The following NKAIN1 variants were observed in gnomAD, a reference collection of about 807,000 sequenced individuals.
NKAIN1 encodes the protein sodium/potassium transporting ATPase interacting 1.
A neutral mutation model predicts 31.6 loss-of-function variants in NKAIN1; 13 were observed. The observed-to-expected ratio is 0.41, with a 90% CI of 0.27 to 0.65. The LOEUF (loss-of-function observed/expected upper bound fraction) is 0.65, where lower values mean the gene tolerates loss of function less well. Among genes scored for constraint, NKAIN1 ranks in the 30% least tolerant of loss-of-function variants. The pLI, the probability that NKAIN1 is intolerant of heterozygous loss-of-function variation, is 0.30. For synonymous variants in NKAIN1, 104 were observed against 109.0 expected, an observed-to-expected ratio of 0.95 and a Z score of 0.28; for missense variants, 193 against 262.2, an observed-to-expected ratio of 0.74 and a Z score of 1.82.
intron 1 of NKAIN1, among the ~76,000 whole-genome samples, chr1:31,197,247 G>A (rs113220732): frequency 0.012 from 1,875 of 151,700 alleles, 16 homozygotes; most frequent in African/African-American, 0.02. Flanking sequence ...GAGTAGCTGG[G>A]ACTACAGGCA....
chr1:31,222,604 A>C (rs527463411), intron 1 of NKAIN1, among the ~76,000 whole-genome samples: 29 of 152,282 alleles, frequency 1.9e-4, no homozygotes, highest in Admixed American at 3.3e-4. Flanking sequence ...GACTCAATGC[A>C]TCCTCTTCAA....
Position 31,181,389 on chromosome 1 carries a change from G to A in NKAIN1, c.*314C>T. The A allele has an allele frequency of 3.0e-6, 1 of 328,740 alleles. No homozygotes were observed. The highest frequency in any genetic ancestry group is 2.1e-5 in the African/African-American group (1 of 46,892). The allele number at this position is 328,740 out of a possible 1,614,324, so 20.4% of individuals were successfully genotyped here. A position where few individuals can be genotyped will look rare whatever the true frequency, so the allele number is the denominator to read the frequency against. ...GGGTGAAGAGTGAAAGGGAGAGGCT[G>A]GAGAAGAGAGGAAGGCCCCAGCTCA... is the stretch of plus-strand genomic sequence containing the variant. On this transcript the variant is annotated 3_prime_UTR_variant, in exon 7 of 7. Coordinates refer to ENST00000373736, the MANE Select transcript of NKAIN1 (RefSeq NM_024522.3).
At chr1:31,215,471 C>T (rs942717229) in intron 1 of NKAIN1, among the ~76,000 whole-genome samples, 4 of 152,198 alleles carry the variant, frequency 2.6e-5, no homozygotes, top group African/African-American at 7.2e-5. Flanking sequence ...CCCATCAGAC[C>T]GCCCGGGACA....
chr1:31,227,714 C>A (rs1185201945), intron 1 of NKAIN1, among the ~76,000 whole-genome samples: 2 of 152,120 alleles, frequency 1.3e-5, no homozygotes, highest in Non-Finnish European at 1.5e-5. Context: ...GTAGGCAGGA[C>A]CCCCTGTCCA....
At chr1:31,234,016 A>G (rs1201131572) in intron 1 of NKAIN1, among the ~76,000 whole-genome samples, 1 of 151,882 alleles carries the variant, frequency 6.6e-6, no homozygotes, top group Admixed American at 6.6e-5. Context: ...CCACTCACCT[A>G]CCCTTATAAA....
At chr1:31,201,507 C>T (rs10914315) in intron 1 of NKAIN1, among the ~76,000 whole-genome samples, 6,591 of 146,764 alleles carry the variant, frequency 0.045, 416 homozygotes, top group African/African-American at 0.14. Flanking sequence ...TACAGGTGCC[C>T]GCCACCATGC....
intron 1 of NKAIN1, among the ~76,000 whole-genome samples, chr1:31,195,124 C>CTTTTTTTTTTT (rs112786243): frequency 1.6e-5 from 2 of 125,442 alleles, no homozygotes; most frequent in East Asian, 2.5e-4. Flanking sequence ...TTCCTTCCTC[C>CTTTTTTTTTTT]TTTTTTTTTT....
chr1:31,192,807 G>A (rs1391827768), intron 1 of NKAIN1, among the ~76,000 whole-genome samples: 1 of 151,572 alleles, frequency 6.6e-6, no homozygotes, highest in Non-Finnish European at 1.5e-5. Context: ...ACCCACCTTG[G>A]CCTCCCAAAG....
At chr1:31,224,160 G>A (rs967621053) in intron 1 of NKAIN1, among the ~76,000 whole-genome samples, 2 of 152,202 alleles carry the variant, frequency 1.3e-5, no homozygotes, top group Non-Finnish European at 2.9e-5. Context: ...CAGCTGCAGA[G>A]GTTGGGGACA....
In NKAIN1 at chr1:31,200,011, ATG is replaced by A. The variant is rs1396173748; in HGVS notation, c.55-11826_55-11825del. On this transcript the variant is annotated intron_variant, in intron 1 of 6. Coordinates refer to ENST00000373736, the MANE Select transcript of NKAIN1 (RefSeq NM_024522.3). The stretch of plus-strand genomic sequence containing the variant: ...CCCGAACACACACACACGCACACAC[ATG>A]CACACACACACGCACACACACACAC... Among the ~76,000 whole-genome samples the A allele has an allele frequency of 9.4e-5, 10 of 106,472 alleles. 1 individual carries two copies. The South Asian group carries it at 9.6e-4, about 10-fold the overall frequency. 69.8% of individuals were successfully genotyped at this position (106,472 alleles called of 152,430 possible). A position where few individuals can be genotyped will look rare whatever the true frequency, so the allele number is the denominator to read the frequency against.
At chr1:31,231,815 C>T (rs1645651972) in intron 1 of NKAIN1, among the ~76,000 whole-genome samples, 1 of 152,230 alleles carries the variant, frequency 6.6e-6, no homozygotes, top group Non-Finnish European at 1.5e-5. Context: ...CAAGCGTGAG[C>T]CACTGCACCT....
intron 1 of NKAIN1, among the ~76,000 whole-genome samples, chr1:31,218,017 TTTCTTTC>T (rs1474694611): frequency 1.5e-4 from 2 of 13,204 alleles, no homozygotes; most frequent in African/African-American, 6.2e-4. Flanking sequence ...CAGCTACCAT[TTTCTTTC>T]TTTCTTTCTT....
intron 1 of NKAIN1, among the ~76,000 whole-genome samples, chr1:31,200,408 T>G (rs1328493762): frequency 6.6e-6 from 1 of 151,882 alleles, no homozygotes; most frequent in Non-Finnish European, 1.5e-5. Flanking sequence ...TATGCACTTC[T>G]ATAGTTCCGG....
intron 1 of NKAIN1, among the ~76,000 whole-genome samples, chr1:31,189,475 C>T (rs745751001): frequency 3.9e-5 from 6 of 152,300 alleles, no homozygotes; most frequent in East Asian, 1.9e-4. Flanking sequence ...TGCCACCATA[C>T]GCAGCTAATT....
At chr1:31,236,521 G>T (rs971883126) in intron 1 of NKAIN1, among the ~76,000 whole-genome samples, 7 of 152,104 alleles carry the variant, frequency 4.6e-5, no homozygotes, top group African/African-American at 1.4e-4. Context: ...ACATCCCGGG[G>T]CACATTATGG....
Position 31,230,258 on chromosome 1 carries a change from C to A in NKAIN1, c.54+9236G>T, listed in dbSNP as rs550743554. On this transcript the variant is annotated intron_variant, in intron 1 of 6. Coordinates refer to ENST00000373736, the MANE Select transcript of NKAIN1 (RefSeq NM_024522.3). ...GTTTTATTTCAAAGGAGCCTCCCAA[C>A]AACTCTCTGAAGTAGATGATCATTA... 2.0e-5 allele frequency among the ~76,000 whole-genome samples: 3 copies of A among 152,276 alleles called. No homozygotes were observed. In the East Asian group the frequency reaches 5.8e-4, roughly 29 times the overall value.
intron 1 of NKAIN1, among the ~76,000 whole-genome samples, chr1:31,209,858 A>T (rs1645454181): frequency 6.6e-6 from 1 of 151,806 alleles, no homozygotes; most frequent in Non-Finnish European, 1.5e-5. Context: ...GTGGTGGTGC[A>T]TGTCTGTAGT....
intron 1 of NKAIN1, among the ~76,000 whole-genome samples, chr1:31,223,194 T>C (rs909947824): frequency 6.6e-6 from 1 of 151,938 alleles, no homozygotes; most frequent in Non-Finnish European, 1.5e-5. Context: ...CTGGCCAACA[T>C]GGCAAAACCC....
intron 1 of NKAIN1, among the ~76,000 whole-genome samples, chr1:31,213,277 A>T (rs1424956134): frequency 6.6e-6 from 1 of 152,318 alleles, no homozygotes; most frequent in Non-Finnish European, 1.5e-5. Flanking sequence ...AAATGGAAAA[A>T]GGATTTGCAA....
Sources: allele counts gnomAD v4.1 joint callset (sites outside exome capture counted in the v4.1 genomes callset), GRCh38; gene constraint gnomAD v4.1.1; transcripts MANE v1.5; gene names NCBI Gene and HGNC (gene_info 2026-07-23, HGNC 2026-07-21).